Variants in ANO3 observed in about 807,000 individuals in gnomAD.
The protein encoded by ANO3 is anoctamin 3.
Under a neutral mutation model 144.8 loss-of-function variants are expected in ANO3, and 99 were observed. The ratio of observed to expected loss-of-function variants is 0.68; its 90% CI spans 0.58 to 0.81. The LOEUF is 0.81. Among genes scored for constraint, ANO3 ranks in the 30% least tolerant of loss-of-function variants. The pLI, the probability that ANO3 is intolerant of heterozygous loss-of-function variation, is 0.00. For synonymous variants in ANO3, 414 were observed against 392.6 expected, an observed-to-expected ratio of 1.05 and a Z score of -0.64; for missense variants, 905 against 1,202.2, an observed-to-expected ratio of 0.75 and a Z score of 3.66.
Position 26,261,561 on chromosome 11 carries a change from C to A in ANO3, c.155-48084C>A, listed in dbSNP as rs533926491. ...GCTTCCATGAGTCTCGCTGGACTAC[C>A]CACCAGTGCTAGCAGCCTTCTCCGA... On this transcript the variant is annotated intron_variant, in intron 1 of 27. Transcript: ENST00000672621. Among the ~76,000 whole-genome samples, 14 of 152,294 alleles carry A rather than the reference C, an allele frequency of 9.2e-5. 1 individual carries two copies. The South Asian group carries it at 2.7e-3, about 29-fold the overall frequency.
chr11:26,202,388 A>G (rs1398496732), intron 1 of ANO3, among the ~76,000 whole-genome samples: 1 of 148,472 alleles, frequency 6.7e-6, no homozygotes, highest in Non-Finnish European at 1.5e-5. Context: ...ATATATCTTA[A>G]GAATCCTACA....
In ANO3 at chr11:26,661,207, T is replaced by C. The variant is rs1027825372; in HGVS notation, c.*763T>C. 1.3e-5 allele frequency: 2 copies of C among 152,614 alleles called. No homozygotes were observed. Among genetic ancestry groups the C allele is most frequent in the Non-Finnish European group, 2.9e-5 (2 of 68,032 alleles). The allele number at this position is 152,614 out of a possible 1,614,324, so 9.5% of individuals were successfully genotyped here. A position where few individuals can be genotyped will look rare whatever the true frequency, so the allele number is the denominator to read the frequency against. Reference sequence around the variant, plus strand: ...ACTAAATGCCAATAAAGCCACATACTTATAAACTATGAATGGCTATTCTTA... The same window carrying C: ...ACTAAATGCCAATAAAGCCACATACCTATAAACTATGAATGGCTATTCTTA... On this transcript the variant is annotated 3_prime_UTR_variant, in exon 27 of 27. Coordinates refer to ENST00000256737, the MANE Select transcript of ANO3 (RefSeq NM_031418.4).
chr11:26,599,036 T>G (rs765221809), intron 16 of ANO3, 38 bp downstream of exon 16: 5 of 1,603,416 alleles, frequency 3.1e-6, no homozygotes, highest in Non-Finnish European at 3.4e-6. Context: ...GTTTTGGGAT[T>G]CTAAATTTAG....
chr11:26,624,633 G>T, intron 18 of ANO3, 135 bp downstream of exon 18: 1 of 632,174 alleles, frequency 1.6e-6, no homozygotes, highest in Non-Finnish European at 2.8e-6. Context: ...AAGGAGAGGG[G>T]TAGTATAGGA....
intron 4 of ANO3, among the ~76,000 whole-genome samples, chr11:26,488,423 G>A (rs186559032): frequency 6.6e-5 from 10 of 152,210 alleles, no homozygotes; most frequent in Middle Eastern, 3.4e-3. Context: ...TATTCCTTCT[G>A]GTGGGTTCTT....
intron 3 of ANO3, among the ~76,000 whole-genome samples, chr11:26,449,250 T>C (rs1858823741): frequency 6.6e-6 from 1 of 152,162 alleles, no homozygotes; most frequent in African/African-American, 2.4e-5. Context: ...TCTCCTAATC[T>C]TGATGGATTT....
At chr11:26,463,302 A>T (rs1045905141) in intron 4 of ANO3, among the ~76,000 whole-genome samples, 154 bp downstream of exon 4, 2 of 151,906 alleles carry the variant, frequency 1.3e-5, no homozygotes, top group Admixed American at 1.3e-4. Context: ...AAAGTTGTAT[A>T]TAGAGTTGAT....
rs532538445 is a variant in ANO3, at chr11:26,247,726, C to CTTTTTTTTT, written c.154+58408_154+58416dup. Among the ~76,000 whole-genome samples the CTTTTTTTTT allele has an allele frequency of 2.7e-4, 28 of 104,184 alleles. 2 individuals carry two copies. The highest frequency in any genetic ancestry group is 1.2e-3 in the East Asian group (4 of 3,328). The allele number at this position is 104,184 out of a possible 152,430, so 68.3% of individuals were successfully genotyped here. A position where few individuals can be genotyped will look rare whatever the true frequency, so the allele number is the denominator to read the frequency against. ...TTTCATTTAGCTGTAGCTCCAGTCACTTTTTTTTTTTTTTTTTTTTGAGAC... is the reference window on the plus strand; with the variant it reads ...TTTCATTTAGCTGTAGCTCCAGTCACTTTTTTTTTTTTTTTTTTTTTTTTTTTTTGAGAC... On this transcript the variant is annotated intron_variant, in intron 1 of 27. Coordinates refer to the ANO3 transcript ENST00000672621.
At chr11:26,194,909 G>A (rs1851555024) in intron 1 of ANO3, among the ~76,000 whole-genome samples, 2 of 152,004 alleles carry the variant, frequency 1.3e-5, no homozygotes, top group African/African-American at 2.4e-5. Context: ...TTTGATACAG[G>A]CATACAATGC....
intron 1 of ANO3, among the ~76,000 whole-genome samples, chr11:26,250,433 T>C (rs555076269): frequency 3.3e-5 from 5 of 152,194 alleles, no homozygotes; most frequent in African/African-American, 1.2e-4. Context: ...TTATTTCCAA[T>C]GTACAGACCA....
At chr11:26,338,793 C>G (rs375231869) in intron 1 of ANO3, among the ~76,000 whole-genome samples, 1 of 151,906 alleles carries the variant, frequency 6.6e-6, no homozygotes, top group Non-Finnish European at 1.5e-5. Flanking sequence ...AGTGAGACCA[C>G]GAACCCACCG....
intron 1 of ANO3, among the ~76,000 whole-genome samples, chr11:26,203,714 G>A (rs2133914618): frequency 6.6e-6 from 1 of 152,174 alleles, no homozygotes; most frequent in East Asian, 1.9e-4. Context: ...CCCGCTTTTA[G>A]GAAACTGAAG....
intron 4 of ANO3, among the ~76,000 whole-genome samples, chr11:26,471,515 T>C (rs374247089): frequency 2.6e-5 from 4 of 151,954 alleles, no homozygotes; most frequent in African/African-American, 9.7e-5. Context: ...TATTTTCAAC[T>C]GAATCTATTA....
At chr11:26,615,182 GT>G (rs34108829) in intron 17 of ANO3, among the ~76,000 whole-genome samples, 28 of 143,274 alleles carry the variant, frequency 2.0e-4, no homozygotes, top group South Asian at 1.7e-3. Flanking sequence ...TTCTGTTTTT[GT>G]TTTTTTTTTT....
At chr11:26,597,702 T>C (rs1299330617) in intron 14 of ANO3, among the ~76,000 whole-genome samples, 1 of 152,128 alleles carries the variant, frequency 6.6e-6, no homozygotes, top group African/African-American at 2.4e-5. Context: ...CTAAAACATA[T>C]ATGTGAGTTC....
chr11:26,628,949 G>A (rs1410653909), intron 18 of ANO3, among the ~76,000 whole-genome samples: 1 of 152,014 alleles, frequency 6.6e-6, no homozygotes, highest in Non-Finnish European at 1.5e-5. Flanking sequence ...TGGCTTCCAG[G>A]AAGACAAGCC....
At chr11:26,363,499 C>T (rs935351334) in intron 1 of ANO3, among the ~76,000 whole-genome samples, 11 of 152,124 alleles carry the variant, frequency 7.2e-5, no homozygotes, top group African/African-American at 2.7e-4. Flanking sequence ...ATGCACATCC[C>T]TTGGTGTCTG....
chr11:26,447,235 G>C (rs1379428651), intron 3 of ANO3, among the ~76,000 whole-genome samples: 2 of 150,886 alleles, frequency 1.3e-5, no homozygotes. Context: ...AAAAGGTGGG[G>C]GGGGGTACTT....
intron 1 of ANO3, among the ~76,000 whole-genome samples, chr11:26,366,625 C>T (rs1036743629): frequency 2.4e-4 from 37 of 152,126 alleles, no homozygotes; most frequent in Admixed American, 2.4e-3. Flanking sequence ...TTCTCCACAT[C>T]GTCTCCAGCA....
Sources: gnomAD v4.1 joint callset for allele counts (sites outside exome capture counted in the v4.1 genomes callset) on GRCh38, gnomAD v4.1.1 for gene constraint, MANE v1.5 for transcripts, NCBI Gene and HGNC (gene_info 2026-07-23, HGNC 2026-07-21) for gene names.